Variants in PHLDB2 observed in about 807,000 individuals in gnomAD.
PHLDB2 encodes the protein pleckstrin homology like domain family B member 2.
Under a neutral mutation model 123.6 loss-of-function variants are expected in PHLDB2, and 71 were observed. The observed-to-expected ratio is 0.57, with a 90% CI of 0.47 to 0.70. PHLDB2 has a LOEUF of 0.70. PHLDB2 is among the 30% of genes least tolerant of loss of function. The pLI is 0.00. For missense variants in PHLDB2, 1,446 were observed against 1,519.5 expected (o/e 0.95, Z 0.80); for synonymous variants, 547 against 541.6 (o/e 1.01, Z -0.14).
chr3:111,954,022 G>A lies in PHLDB2; in HGVS notation c.2865G>A (p.Met955Ile). Residue 955 changes from methionine to isoleucine, a missense_variant, in exon 12 of 18, where the codon ATG becomes ATA. Met to Ile is a conservative substitution (Grantham distance 10). This residue lies in a region of PHLDB2 where 594 missense variants were observed against 646.0 expected (regional missense o/e 0.92). Transcript: ENST00000431670. ...CCAAAGACTCAGAATCTCGGAGGAT[G>A]CTCAGAGGTACGTACCTTTTAAATC... is the stretch of plus-strand genomic sequence containing the variant. ...AMAKDSESRR[M>I]LRGYNHQQMS... 6.2e-7 allele frequency: 1 copy of A among 1,612,854 alleles called. No homozygotes were observed. Among genetic ancestry groups the A allele is most frequent in the Non-Finnish European group, 8.5e-7 (1 of 1,179,104 alleles).
chr3:111,806,492 T>G (rs546527007), intron 1 of PHLDB2, among the ~76,000 whole-genome samples: 1 of 152,124 alleles, frequency 6.6e-6, no homozygotes, highest in East Asian at 1.9e-4. Context: ...TCTTTTTTTT[T>G]TCTTTTTTTT....
At chr3:111,949,450 T>A (rs1181085829) in intron 10 of PHLDB2, among the ~76,000 whole-genome samples, 1 of 152,214 alleles carries the variant, frequency 6.6e-6, no homozygotes, top group Non-Finnish European at 1.5e-5. Context: ...GTAACATGGA[T>A]GCTTTTAAAT....
chr3:111,750,702 T>C (rs1216876022), intron 1 of PHLDB2, among the ~76,000 whole-genome samples: 1 of 152,054 alleles, frequency 6.6e-6, no homozygotes, highest in Non-Finnish European at 1.5e-5. Flanking sequence ...TCCCAGCCCT[T>C]TGGGAGGTCA....
intron 12 of PHLDB2, among the ~76,000 whole-genome samples, chr3:111,959,620 T>C (rs1367815310): frequency 6.6e-6 from 1 of 152,246 alleles, no homozygotes; most frequent in South Asian, 2.1e-4. Context: ...CAAATTGTAA[T>C]GTAGCTGGCC....
chr3:111,939,355 C>G, intron 6 of PHLDB2, 120 bp from the exon 7 acceptor site: 1 of 1,021,312 alleles, frequency 9.8e-7, no homozygotes, highest in South Asian at 1.6e-5. Flanking sequence ...TGTTCTAACC[C>G]TGGTCAATAT....
chr3:111,871,131 C>T (rs1913495), intron 1 of PHLDB2, among the ~76,000 whole-genome samples: 27,734 of 152,072 alleles, frequency 0.18, 2,632 homozygotes, highest in African/African-American at 0.21. Flanking sequence ...AGTCCCTCTT[C>T]GATTAATTCC....
At chr3:111,913,242 G>A in intron 2 of PHLDB2, 77 bp from the exon 3 acceptor site, 6 of 1,457,538 alleles carry the variant, frequency 4.1e-6, no homozygotes, top group African/African-American at 1.4e-5. Context: ...AGTTGTCCCA[G>A]CCTCTTCAGT....
At chr3:111,794,884 G>A (rs2061089067) in intron 1 of PHLDB2, among the ~76,000 whole-genome samples, 1 of 152,190 alleles carries the variant, frequency 6.6e-6, no homozygotes, top group Non-Finnish European at 1.5e-5. Context: ...TAGCTGAGGG[G>A]TGGAACCATC....
chr3:111,857,581 G>A (rs2108633298), upstream of PHLDB2, among the ~76,000 whole-genome samples: 1 of 152,184 alleles, frequency 6.6e-6, no homozygotes, highest in South Asian at 2.1e-4. Context: ...AACATTGCTG[G>A]AGCACTTAAC....
chr3:111,885,545 C>G (rs1444293651), intron 2 of PHLDB2, 133 bp downstream of exon 2: 13 of 1,145,818 alleles, frequency 1.1e-5, no homozygotes, highest in Non-Finnish European at 1.7e-5. Flanking sequence ...TGCTATCTTT[C>G]TCTTCTCTCC....
chr3:111,801,941 G>A (rs971580429), intron 1 of PHLDB2, among the ~76,000 whole-genome samples: 2 of 151,414 alleles, frequency 1.3e-5, no homozygotes, highest in Non-Finnish European at 2.9e-5. Flanking sequence ...AGCAGTGATG[G>A]TTGCACAACT....
chr3:111,777,913 C>CTT (rs34373838), intron 1 of PHLDB2, among the ~76,000 whole-genome samples: 42 of 151,222 alleles, frequency 2.8e-4, no homozygotes, highest in South Asian at 1.9e-3. Context: ...ATTACCCTCC[C>CTT]TTTTTTTTAA....
chr3:111,776,232 T>G (rs557275034), intron 1 of PHLDB2, among the ~76,000 whole-genome samples: 15 of 152,028 alleles, frequency 9.9e-5, no homozygotes, highest in Non-Finnish European at 2.1e-4. Context: ...TCGTATAAAC[T>G]CTCCTTGAGT....
intron 1 of PHLDB2, among the ~76,000 whole-genome samples, chr3:111,845,027 C>A (rs895017681): frequency 1.2e-4 from 18 of 152,078 alleles, no homozygotes; most frequent in African/African-American, 4.3e-4. Flanking sequence ...TTGGGAAGCT[C>A]TTGAGAACAA....
chr3:111,794,133 C>T (rs2061044095), intron 1 of PHLDB2, among the ~76,000 whole-genome samples: 1 of 152,062 alleles, frequency 6.6e-6, no homozygotes, highest in Non-Finnish European at 1.5e-5. Flanking sequence ...GGACCCCAGA[C>T]CACTTTAGTC....
intron 14 of PHLDB2, among the ~76,000 whole-genome samples, chr3:111,966,936 C>T (rs1046527980): frequency 6.6e-6 from 1 of 151,556 alleles, no homozygotes; most frequent in Admixed American, 6.6e-5. Flanking sequence ...TGACATAGAC[C>T]GAAATGAACA....
intron 1 of PHLDB2, among the ~76,000 whole-genome samples, chr3:111,760,680 T>C (rs56005252): frequency 0.097 from 14,701 of 151,990 alleles, 777 homozygotes; most frequent in Admixed American, 0.13. Context: ...GTGTATACAG[T>C]TTTTTGTTTG....
chr3:111,953,764 G>A (rs915453925), intron 11 of PHLDB2, 166 bp from the exon 12 acceptor site: 30 of 516,384 alleles, frequency 5.8e-5, no homozygotes, highest in African/African-American at 5.6e-4. Flanking sequence ...TCTCGGGAGG[G>A]CCAGTAACTG....
At chr3:111,825,448 T>C (rs6769535) in intron 1 of PHLDB2, among the ~76,000 whole-genome samples, 31,654 of 152,096 alleles carry the variant, frequency 0.21, 5,163 homozygotes, top group African/African-American at 0.43. Flanking sequence ...AACATACAAA[T>C]CACATTTCCT....
Sources: allele counts gnomAD v4.1 joint callset (sites outside exome capture counted in the v4.1 genomes callset), GRCh38; gene constraint gnomAD v4.1.1; regional missense constraint gnomAD v4.1.1; transcripts MANE v1.5; gene names NCBI Gene and HGNC (gene_info 2026-07-23, HGNC 2026-07-21).